RHBDL2: variants seen among roughly 807,000 people sequenced by gnomAD.
The protein encoded by RHBDL2 is rhomboid-related protein 2.
Under a neutral mutation model 31.7 loss-of-function variants are expected in RHBDL2, and 26 were observed. That is an observed-to-expected ratio of 0.82 (90% CI 0.60 to 1.14). The LOEUF (loss-of-function observed/expected upper bound fraction) is 1.14, where lower values mean the gene tolerates loss of function less well. Ranked by LOEUF, RHBDL2 falls within the 50% of genes most tolerant of loss-of-function variation. RHBDL2 has a pLI of 0.00. For missense variants in RHBDL2, 336 were observed against 364.4 expected (o/e 0.92, Z 0.63); for synonymous variants, 123 against 127.2 (o/e 0.97, Z 0.22).
intron 4 of RHBDL2, among the ~76,000 whole-genome samples, chr1:38,910,753 C>CTTTTTTTTTTTTTT (rs765064879): frequency 3.6e-5 from 4 of 111,078 alleles, no homozygotes; most frequent in Non-Finnish European, 7.2e-5. Context: ...TATTCCTTTT[C>CTTTTTTTTTTTTTT]TTTTTTTTTT....
At chr1:38,940,481 G>A (rs1360296335) in intron 1 of RHBDL2, among the ~76,000 whole-genome samples, 1 of 152,022 alleles carries the variant, frequency 6.6e-6, no homozygotes, top group African/African-American at 2.4e-5. Context: ...CACTGGGAGC[G>A]AGCCATGGAA....
In RHBDL2 at chr1:38,919,129, C is replaced by T. The variant is rs1643277349; in HGVS notation, c.84G>A (p.Glu28=). 1 of 1,614,052 alleles carries T rather than the reference C, an allele frequency of 6.2e-7. No individual in the cohort carries two copies. Among genetic ancestry groups the T allele is most frequent in the East Asian group, 2.2e-5 (1 of 44,900 alleles). ...TACCTCCCCCATCCTCTCTCATTTT[C>T]TCCTCTTCCTCCAGCTCTTCTTTCA... is the stretch of plus-strand genomic sequence containing the variant. ...REMKEELEEE[E]KMREDGGGKD... Residue 28 remains glutamate, a synonymous_variant, in exon 2 of 8, where the codon GAG becomes GAA. Coordinates refer to ENST00000372990, the MANE Select transcript of RHBDL2 (RefSeq NM_017821.5).
chr1:38,928,439 G>T (rs1259569475), intron 1 of RHBDL2, among the ~76,000 whole-genome samples: 8 of 33,266 alleles, frequency 2.4e-4, no homozygotes, highest in African/African-American at 1.3e-3. Context: ...ACGGCGCCCG[G>T]CCATGTTTTG....
At chr1:38,900,359 T>C (rs1368425997) in intron 4 of RHBDL2, among the ~76,000 whole-genome samples, 2 of 151,940 alleles carry the variant, frequency 1.3e-5, no homozygotes, top group South Asian at 2.1e-4. Flanking sequence ...CAGTGGCTCA[T>C]GCCTATAATC....
intron 3 of RHBDL2, among the ~76,000 whole-genome samples, chr1:38,914,923 G>A (rs552730095): frequency 6.6e-6 from 1 of 151,190 alleles, no homozygotes; most frequent in East Asian, 2.1e-4. Context: ...CAGCTACTCA[G>A]GAGGCTGAGG....
chr1:38,928,973 A>G (rs932501404), intron 1 of RHBDL2, among the ~76,000 whole-genome samples: 1 of 152,254 alleles, frequency 6.6e-6, no homozygotes, highest in East Asian at 1.9e-4. Context: ...CGGGAGGCTG[A>G]GGCAGGAGGA....
intron 4 of RHBDL2, among the ~76,000 whole-genome samples, chr1:38,905,995 A>G (rs1643061030): frequency 6.6e-6 from 1 of 150,654 alleles, no homozygotes; most frequent in Non-Finnish European, 1.5e-5. Context: ...TGAACCTGGG[A>G]GGCAGAGGTT....
Position 38,915,634 on chromosome 1 carries a change from C to T in RHBDL2, c.323G>A (p.Ser108Asn), listed in dbSNP as rs1643223594. The stretch of plus-strand genomic sequence containing the variant: ...CTTCTCAGGACTGTAGATAAAGGGA[C>T]TCTCCAAGATGCCTGTGTCCAACGT... Reference protein sequence around the residue: ...WITLDTGILESPFIYSPEKRE... With the variant: ...WITLDTGILENPFIYSPEKRE... Residue 108 changes from serine (S) to asparagine (N), a missense_variant, in exon 3 of 8, where the codon AGT (serine) becomes AAT (asparagine). Coordinates refer to ENST00000372990, the MANE Select transcript of RHBDL2 (RefSeq NM_017821.5). The T allele has an allele frequency of 6.2e-7, 1 of 1,613,932 alleles. No individual in the cohort carries two copies. The highest frequency in any genetic ancestry group is 1.3e-5 in the African/African-American group (1 of 74,918).
chr1:38,931,522 AAAAAAAAAAAAG>A (rs1231651768), intron 1 of RHBDL2, among the ~76,000 whole-genome samples: 1 of 98,158 alleles, frequency 1.0e-5, no homozygotes, highest in Non-Finnish European at 1.7e-5. Flanking sequence ...ACTCCGTCTC[AAAAAAAAAAAAG>A]AAAAGAAAAA....
chr1:38,895,868 G>T (rs977653610), intron 5 of RHBDL2, 101 bp downstream of exon 5: 3 of 718,922 alleles, frequency 4.2e-6, no homozygotes, highest in Non-Finnish European at 7.1e-6. Flanking sequence ...AAAATTGAGT[G>T]CTCAGTAAAT....
chr1:38,936,282 T>C (rs992740213), intron 1 of RHBDL2, among the ~76,000 whole-genome samples: 1 of 152,082 alleles, frequency 6.6e-6, no homozygotes. Flanking sequence ...TCAGGTTGAA[T>C]AAACAAGTAT....
chr1:38,933,056 T>C (rs184703729), intron 1 of RHBDL2, among the ~76,000 whole-genome samples: 43 of 152,330 alleles, frequency 2.8e-4, no homozygotes, highest in Admixed American at 1.8e-3. Flanking sequence ...TGGTTTCCCA[T>C]TGTCTTTGGG....
chr1:38,914,858 G>A (rs933833486), intron 3 of RHBDL2, among the ~76,000 whole-genome samples: 2 of 151,144 alleles, frequency 1.3e-5, no homozygotes, highest in East Asian at 2.1e-4. Flanking sequence ...GTGAAACCCC[G>A]TCTCTACTAA....
chr1:38,885,882 T>G lies in RHBDL2; in HGVS notation c.*622A>C, dbSNP rs988234565. ...ATGAAGCATTCTCCAAAATATATCCTCCAAGGAGAGTAAGTCTGTTTTATA... is the reference window on the plus strand; with the variant it reads ...ATGAAGCATTCTCCAAAATATATCCGCCAAGGAGAGTAAGTCTGTTTTATA... On this transcript the variant is annotated 3_prime_UTR_variant, in exon 8 of 8. Transcript: ENST00000372990. 1 of 152,652 alleles carries G rather than the reference T, an allele frequency of 6.6e-6. No individual in the cohort carries two copies. The highest frequency in any genetic ancestry group is 2.4e-5 in the African/African-American group (1 of 41,464). 9.5% of individuals were successfully genotyped at this position (152,652 alleles called of 1,614,324 possible).
chr1:38,894,707 C>CTT (rs71057159), intron 5 of RHBDL2, among the ~76,000 whole-genome samples: 2,593 of 114,046 alleles, frequency 0.023, 130 homozygotes, highest in Non-Finnish European at 0.029. Context: ...CTTTTTTTTT[C>CTT]TTTTTTTTTT....
chr1:38,913,543 A>G (rs1217756160), intron 3 of RHBDL2: 3 of 135,500 alleles, frequency 2.2e-5, no homozygotes, highest in Non-Finnish European at 3.2e-5. Context: ...TTTGTAGAGC[A>G]CTCTCTATGT....
intron 1 of RHBDL2, among the ~76,000 whole-genome samples, chr1:38,935,563 G>C (rs1021081182): frequency 6.6e-6 from 1 of 152,176 alleles, no homozygotes; most frequent in Non-Finnish European, 1.5e-5. Flanking sequence ...TTTATTATCT[G>C]TAAAATTCTT....
intron 1 of RHBDL2, among the ~76,000 whole-genome samples, chr1:38,919,821 G>A (rs540286845): frequency 2.0e-5 from 3 of 152,080 alleles, no homozygotes; most frequent in South Asian, 2.1e-4. Flanking sequence ...TGATTCACCC[G>A]CCTAGGCCTC....
chr1:38,887,534 C>G (rs1025441489), intron 7 of RHBDL2, among the ~76,000 whole-genome samples: 3 of 152,208 alleles, frequency 2.0e-5, no homozygotes, highest in Admixed American at 6.5e-5. Context: ...AAGCGATTCT[C>G]CTGCCTCAGC....
Sources: allele counts gnomAD v4.1 joint callset (sites outside exome capture counted in the v4.1 genomes callset), GRCh38; gene constraint gnomAD v4.1.1; transcripts MANE v1.5; gene names NCBI Gene and HGNC (gene_info 2026-07-23, HGNC 2026-07-21).